The following ESR1 variants were observed in gnomAD, a reference collection of about 807,000 sequenced individuals.
ESR1 encodes the protein estrogen receptor.
Under a neutral mutation model 52.7 loss-of-function variants are expected in ESR1, and 12 were observed. That is an observed-to-expected ratio of 0.23 (90% confidence interval 0.15 to 0.37). The LOEUF (loss-of-function observed/expected upper bound fraction) is 0.37. Among genes scored for constraint, ESR1 ranks in the 10% least tolerant of loss-of-function variants. ESR1 has a pLI of 1.00. For synonymous variants in ESR1, 305 were observed against 316.8 expected, an observed-to-expected ratio of 0.96 and a Z score of 0.39; for missense variants, 584 against 779.7, an observed-to-expected ratio of 0.75 and a Z score of 2.99.
chr6:151,992,209 C>T (rs1308935267), intron 4 of ESR1, among the ~76,000 whole-genome samples: 1 of 152,136 alleles, frequency 6.6e-6, no homozygotes, highest in Non-Finnish European at 1.5e-5. Context: ...GTGTATAGCT[C>T]AGTGGCGTTA....
intron 2 of ESR1, among the ~76,000 whole-genome samples, chr6:151,731,246 C>T (rs1238238735): frequency 6.6e-6 from 1 of 152,040 alleles, no homozygotes; most frequent in Non-Finnish European, 1.5e-5. Context: ...GTCCCAGCTA[C>T]TTGGGAAGCT....
At chr6:151,731,392 G>A (rs1782229920) in intron 2 of ESR1, among the ~76,000 whole-genome samples, 6 of 151,822 alleles carry the variant, frequency 4.0e-5, no homozygotes, top group Admixed American at 3.3e-4. Context: ...GGGCAGATAA[G>A]TTTTTTGGGG....
intron 3 of ESR1, among the ~76,000 whole-genome samples, chr6:151,929,878 A>G (rs2033327445): frequency 6.6e-6 from 1 of 152,200 alleles, no homozygotes; most frequent in African/African-American, 2.4e-5. Context: ...GTGTTTATTA[A>G]CTATTTCATA....
intron 2 of ESR1, among the ~76,000 whole-genome samples, chr6:151,713,800 T>G (rs1261431237): frequency 6.6e-6 from 1 of 152,096 alleles, no homozygotes; most frequent in Admixed American, 6.5e-5. Flanking sequence ...CCTGTGTTCA[T>G]TGATTTTTTT....
chr6:151,950,025 T>C (rs2036154462), intron 4 of ESR1, among the ~76,000 whole-genome samples: 1 of 152,204 alleles, frequency 6.6e-6, no homozygotes, highest in African/African-American at 2.4e-5. Context: ...CCCATGTTCC[T>C]GTGATAGTGA....
At chr6:151,776,763 G>A (rs373752922) in intron 2 of ESR1, among the ~76,000 whole-genome samples, 6 of 151,722 alleles carry the variant, frequency 4.0e-5, no homozygotes, top group African/African-American at 9.7e-5. Context: ...GCTTGAACCC[G>A]GGAGGCAGAG....
intron 4 of ESR1, among the ~76,000 whole-genome samples, chr6:151,980,923 C>T (rs982887029): frequency 1.3e-5 from 2 of 152,206 alleles, no homozygotes; most frequent in Admixed American, 1.3e-4. Flanking sequence ...AGGCTGGTCT[C>T]AAACTCCTGA....
rs1039264027 is a variant in ESR1 at position 151,848,187 on chromosome 6, A to G, written c.643+5400A>G. The stretch of plus-strand genomic sequence containing the variant: ...GTTCATGTCCTTTGTAGGGACATGG[A>G]TGAAATTGGAAACCATCATTCTCAG... On this transcript the variant is annotated intron_variant, in intron 2 of 7. Transcript: ENST00000206249. Among the ~76,000 whole-genome samples the G allele has an allele frequency of 5.1e-4, 52 of 102,400 alleles. No homozygotes were observed. The East Asian group carries it at 0.012, about 25-fold the overall frequency. 67.2% of individuals were successfully genotyped at this position (102,400 alleles called of 152,430 possible).
chr6:151,806,561 CAT>C (rs1216240639), upstream of ESR1, among the ~76,000 whole-genome samples: 6 of 71,494 alleles, frequency 8.4e-5, 1 homozygote, highest in Non-Finnish European at 1.6e-4. Flanking sequence ...TATATATACA[CAT>C]ATATGTGTGT....
chr6:151,826,591 C>T (rs896562156), intron 1 of ESR1, among the ~76,000 whole-genome samples: 1 of 152,178 alleles, frequency 6.6e-6, no homozygotes, highest in Non-Finnish European at 1.5e-5. Flanking sequence ...TGTTCTTCCT[C>T]CTTGTAAGCA....
At chr6:151,761,042 T>C (rs1227707206) in intron 2 of ESR1, among the ~76,000 whole-genome samples, 1 of 152,194 alleles carries the variant, frequency 6.6e-6, no homozygotes. Context: ...CATCGCTCTC[T>C]ACTAGCATGC....
chr6:151,944,346 G>T lies in ESR1; in HGVS notation c.934G>T (p.Ala312Ser), dbSNP rs2128528088. Residue 312 changes from alanine to serine, a missense_variant, in exon 4 of 8, where the codon GCC becomes TCC. Ala to Ser is a moderately conservative substitution (Grantham distance 99). Around this residue, in one of 6 missense-constraint regions of ESR1, gnomAD observed 88 missense variants for 88.3 expected, o/e 1.00. Transcript: ENST00000206249. ...KKNSLALSLTADQMVSALLDA... is the reference protein window; with the variant it reads ...KKNSLALSLTSDQMVSALLDA... The stretch of plus-strand genomic sequence containing the variant: ...GAACAGCCTGGCCTTGTCCCTGACG[G>T]CCGACCAGATGGTCAGTGCCTTGTT... The T allele has an allele frequency of 6.2e-7, 1 of 1,614,126 alleles. No homozygotes were observed. Among genetic ancestry groups the T allele is most frequent in the Non-Finnish European group, 8.5e-7 (1 of 1,180,028 alleles).
In ESR1 at chr6:152,027,863, G is replaced by A. The variant is rs964981868; in HGVS notation, c.1235+16069G>A. ...TTATAGTTTTAAATATTTGTTTGGG[G>A]GCGGGTGCGGTGGCTCATGCCTGTA... On this transcript the variant is annotated intron_variant, in intron 5 of 7. Coordinates refer to ENST00000206249, the MANE Select transcript of ESR1 (RefSeq NM_000125.4). Among the ~76,000 whole-genome samples, 3 of 152,104 alleles carry A rather than the reference G, an allele frequency of 2.0e-5. No homozygotes were observed. In the East Asian group the frequency reaches 5.8e-4, roughly 29 times the overall value.
intron 6 of ESR1, among the ~76,000 whole-genome samples, chr6:152,116,770 T>C (rs150828627): frequency 6.6e-6 from 1 of 151,726 alleles, no homozygotes; most frequent in African/African-American, 2.4e-5. Context: ...TTTTATATTA[T>C]ACAAATATAT....
intron 4 of ESR1, among the ~76,000 whole-genome samples, chr6:151,948,620 C>T (rs1317984494): frequency 6.6e-6 from 1 of 152,152 alleles, no homozygotes; most frequent in Non-Finnish European, 1.5e-5. Context: ...TGCCGAGTCC[C>T]CCTCTAATCA....
chr6:152,106,769 C>CTTAT (rs1273413574), downstream of ESR1, among the ~76,000 whole-genome samples: 9 of 151,944 alleles, frequency 5.9e-5, no homozygotes, highest in South Asian at 6.2e-4. Flanking sequence ...TGTTTGTTTG[C>CTTAT]TTATTTATTT....
chr6:152,053,573 T>G lies in ESR1; in HGVS notation c.1236-7418T>G, dbSNP rs1360847793. On this transcript the variant is annotated intron_variant, in intron 5 of 7. Transcript: ENST00000206249. The surrounding 1 kb of genome is among the most constrained non-coding windows in gnomAD (Gnocchi z 4.1). ...TATCCTCTCTTTCTCTCAATCCCTC[T>G]CTCCCTCTTTCTCTCTCTCAATCTG... is the stretch of plus-strand genomic sequence containing the variant. Among the ~76,000 whole-genome samples, 1 of 151,722 alleles carries G rather than the reference T, an allele frequency of 6.6e-6. No homozygotes were observed. The highest frequency in any genetic ancestry group is 2.4e-5 in the African/African-American group (1 of 41,254).
At chr6:151,686,926 A>C (rs534858426), upstream of ESR1, among the ~76,000 whole-genome samples, 1 of 152,300 alleles carries the variant, frequency 6.6e-6, no homozygotes, top group South Asian at 2.1e-4. Context: ...CAATGTGCTC[A>C]TGGGTCCAGA....
At chr6:151,869,065 G>C (rs1790484027) in intron 2 of ESR1, among the ~76,000 whole-genome samples, 1 of 144,474 alleles carries the variant, frequency 6.9e-6, no homozygotes, top group African/African-American at 2.6e-5. Flanking sequence ...TATGAGTCTG[G>C]GAAGGCAGGG....
Sources: allele counts gnomAD v4.1 joint callset (sites outside exome capture counted in the v4.1 genomes callset), GRCh38; gene constraint gnomAD v4.1.1; regional missense constraint gnomAD v4.1.1; non-coding constraint Gnocchi (gnomAD v3.1); transcripts MANE v1.5; gene names NCBI Gene and HGNC (gene_info 2026-07-23, HGNC 2026-07-21).